Variants in FAF2 observed in about 807,000 individuals in gnomAD.
FAF2 encodes the protein FAS-associated factor 2.
A neutral mutation model predicts 62.3 loss-of-function variants in FAF2; 9 were observed. That is an observed-to-expected ratio of 0.14 (90% CI 0.09 to 0.25). FAF2 has a LOEUF of 0.25. FAF2 is among the 10% of genes least tolerant of loss of function. The pLI is 1.00. For missense variants in FAF2, 368 were observed against 556.2 expected (o/e 0.66, Z 3.40); for synonymous variants, 202 against 198.0 (o/e 1.02, Z -0.17).
chr5:176,466,218 C>G (rs1758464940), intron 1 of FAF2, among the ~76,000 whole-genome samples: 3 of 152,242 alleles, frequency 2.0e-5, no homozygotes, highest in East Asian at 3.9e-4. Flanking sequence ...ATTTCCTGAA[C>G]AGATTTCAGA....
intron 5 of FAF2, among the ~76,000 whole-genome samples, chr5:176,493,317 T>G (rs550269282): frequency 6.6e-6 from 1 of 152,306 alleles, no homozygotes; most frequent in East Asian, 1.9e-4. Context: ...TCCTCAGTGC[T>G]AGAGATACAG....
At chr5:176,477,307 T>C (rs2963686) in intron 1 of FAF2, among the ~76,000 whole-genome samples, 1 of 136,666 alleles carries the variant, frequency 7.3e-6, no homozygotes, top group Non-Finnish European at 1.5e-5. Flanking sequence ...GGCTGGTCTC[T>C]AACTCCTGAC....
intron 1 of FAF2, chr5:176,453,274 C>T (rs1758219172): frequency 6.6e-6 from 1 of 152,106 alleles, no homozygotes; most frequent in African/African-American, 2.4e-5. Flanking sequence ...CCCAAATTTC[C>T]AAATATAGCA....
intron 1 of FAF2, among the ~76,000 whole-genome samples, chr5:176,473,663 TC>T (rs1002021584): frequency 2.0e-4 from 30 of 152,368 alleles, no homozygotes; most frequent in African/African-American, 6.7e-4. Context: ...TTTTCTATTC[TC>T]CCCAGTTTAT....
intron 1 of FAF2, among the ~76,000 whole-genome samples, chr5:176,454,389 G>A (rs1020540345): frequency 3.3e-5 from 5 of 150,842 alleles, no homozygotes; most frequent in East Asian, 1.9e-4. Flanking sequence ...GTGCGACTCC[G>A]TCTCAAAATA....
In FAF2 at chr5:176,454,594, A is replaced by G. The variant is rs1581466779; in HGVS notation, c.63+6124A>G. Among the ~76,000 whole-genome samples, 3 of 121,748 alleles carry G rather than the reference A, an allele frequency of 2.5e-5. No homozygotes were observed. The South Asian group carries it at 1.1e-3, about 43-fold the overall frequency. 79.9% of individuals were successfully genotyped at this position (121,748 alleles called of 152,430 possible). On this transcript the variant is annotated intron_variant, in intron 1 of 10. Transcript: ENST00000261942. The stretch of plus-strand genomic sequence containing the variant: ...TTCTGTCTGAAAAAAAAAAAAAAAA[A>G]AAAAAAAAAAAAAAAAATCTAATAA...
intron 4 of FAF2, among the ~76,000 whole-genome samples, chr5:176,490,954 T>TA (rs796877830): frequency 6.6e-6 from 1 of 152,204 alleles, no homozygotes; most frequent in South Asian, 2.1e-4. Flanking sequence ...GTATACAACT[T>TA]ACTACATTTT....
chr5:176,491,909 G>C (rs1010479703), intron 4 of FAF2, among the ~76,000 whole-genome samples: 2 of 152,046 alleles, frequency 1.3e-5, no homozygotes, highest in Non-Finnish European at 2.9e-5. Context: ...AACCCTTCTA[G>C]CCCTAAATTG....
chr5:176,480,970 A>G (rs1758775910), intron 2 of FAF2, among the ~76,000 whole-genome samples: 1 of 152,216 alleles, frequency 6.6e-6, no homozygotes. Context: ...AAAAAAATAA[A>G]TAAATGACAA....
chr5:176,453,516 T>C (rs546072047), intron 1 of FAF2: 2 of 152,242 alleles, frequency 1.3e-5, no homozygotes, highest in South Asian at 4.1e-4. Flanking sequence ...TGAAAATCTT[T>C]CTTTTGGCTT....
intron 1 of FAF2, among the ~76,000 whole-genome samples, chr5:176,467,098 A>G: frequency 1.4e-5 from 2 of 141,008 alleles, no homozygotes; most frequent in African/African-American, 5.3e-5. Flanking sequence ...ACAGACTGGG[A>G]TGGGCCTGCC....
At chr5:176,471,275 GACTT>G (rs374804347) in intron 1 of FAF2, among the ~76,000 whole-genome samples, 32 of 151,886 alleles carry the variant, frequency 2.1e-4, no homozygotes, top group African/African-American at 7.7e-4. Context: ...AAACAGGAAT[GACTT>G]ACTTTAAAAT....
intron 8 of FAF2, among the ~76,000 whole-genome samples, chr5:176,497,974 A>G (rs1440829099): frequency 6.6e-6 from 1 of 152,052 alleles, no homozygotes; most frequent in East Asian, 1.9e-4. Context: ...ACATGGTGAA[A>G]CCCCATCTCT....
In FAF2 at chr5:176,499,932, G is replaced by A. The variant is rs538267109; in HGVS notation, c.1012-71G>A. On this transcript the variant is annotated intron_variant, in intron 9 of 10. Transcript: ENST00000261942. ...CATTAATTTTTCTTCTGACGACTGC[G>A]TAATAAAGCTACATGGTCATTGTAT... is the stretch of plus-strand genomic sequence containing the variant. The A allele has an allele frequency of 1.1e-5, 17 of 1,560,702 alleles. No homozygotes were observed. In the African/African-American group the frequency reaches 1.1e-4, roughly 10 times the overall value.
intron 5 of FAF2, 76 bp from the exon 6 acceptor site, chr5:176,493,923 C>A: frequency 1.1e-6 from 1 of 936,952 alleles, no homozygotes; most frequent in Non-Finnish European, 1.7e-6. Flanking sequence ...ATAACTGTAT[C>A]CATTAGGACC....
chr5:176,463,847 A>G (rs76546425), intron 1 of FAF2, among the ~76,000 whole-genome samples: 13,408 of 149,390 alleles, frequency 0.09, 933 homozygotes, highest in East Asian at 0.28. Context: ...CTTCTGCCTC[A>G]GCCTCCTGTG....
At chr5:176,465,942 G>T (rs1323848078) in intron 1 of FAF2, among the ~76,000 whole-genome samples, 1 of 152,184 alleles carries the variant, frequency 6.6e-6, no homozygotes, top group African/African-American at 2.4e-5. Context: ...AATTAATCTA[G>T]ATTTCAGTCT....
chr5:176,458,408 CTT>C (rs751775026), intron 1 of FAF2, among the ~76,000 whole-genome samples: 6 of 86,364 alleles, frequency 6.9e-5, no homozygotes, highest in Middle Eastern at 0.014. Context: ...CTTTTTCTTC[CTT>C]TTTTTTTTTT....
At chr5:176,454,577 G>GAAAAAAA (rs56324116) in intron 1 of FAF2, among the ~76,000 whole-genome samples, 11 of 95,298 alleles carry the variant, frequency 1.2e-4, no homozygotes, top group African/African-American at 1.7e-4. Flanking sequence ...GATTCTGTCT[G>GAAAAAAA]AAAAAAAAAA....
Sources: allele counts gnomAD v4.1 joint callset (sites outside exome capture counted in the v4.1 genomes callset), GRCh38; gene constraint gnomAD v4.1.1; transcripts MANE v1.5; gene names NCBI Gene and HGNC (gene_info 2026-07-23, HGNC 2026-07-21).